The following FGF18 variants were observed in gnomAD, a reference collection of about 807,000 sequenced individuals.
The protein encoded by FGF18 is fibroblast growth factor 18.
A neutral mutation model predicts 23.0 loss-of-function variants in FGF18; 5 were observed. The ratio of observed to expected loss-of-function variants is 0.22; its 90% CI spans 0.11 to 0.46. FGF18 has a LOEUF of 0.46. Among genes scored for constraint, FGF18 ranks in the 20% least tolerant of loss-of-function variants. The pLI is 0.99. For missense variants in FGF18, 180 were observed against 291.6 expected (o/e 0.62, Z 2.79); for synonymous variants, 117 against 118.9 (o/e 0.98, Z 0.10).
chr5:171,423,604 T>C (rs1482366530), intron 2 of FGF18, among the ~76,000 whole-genome samples: 1 of 151,912 alleles, frequency 6.6e-6, no homozygotes, highest in African/African-American at 2.4e-5. Flanking sequence ...CCACAAGAAG[T>C]GTTCAAGTTT....
intron 2 of FGF18, 57 bp downstream of exon 2, chr5:171,420,500 C>A (rs1771987680): frequency 2.6e-6 from 4 of 1,520,614 alleles, no homozygotes; most frequent in Non-Finnish European, 3.6e-6. Context: ...TACACGCCGA[C>A]CCCCCTTCCC....
intron 3 of FGF18, among the ~76,000 whole-genome samples, chr5:171,439,299 G>A: frequency 6.6e-6 from 1 of 152,180 alleles, no homozygotes; most frequent in East Asian, 1.9e-4. Flanking sequence ...TCCCAGTACT[G>A]AAAAGCTTTA....
In FGF18 at chr5:171,451,258, TCCACGCCCGA is replaced by T. The variant is rs921802914; in HGVS notation, c.357+2008_357+2017del. Among the ~76,000 whole-genome samples the T allele has an allele frequency of 7.4e-5, 11 of 149,004 alleles. No individual in the cohort carries two copies. Among genetic ancestry groups the T allele is most frequent in the African/African-American group, 2.5e-4 (10 of 40,780 alleles). On this transcript the variant is annotated intron_variant, in intron 4 of 4. Coordinates refer to ENST00000274625, the MANE Select transcript of FGF18 (RefSeq NM_003862.3). This position sits in a 1 kb window ranked among gnomAD's most constrained non-coding sequence, Gnocchi z 4.5. ...CGCCTCCCCCGCTCCCGCCCAGGCC[TCCACGCCCGA>T]CCCCAACCCTTGCCAGCCTCCTGTC...
chr5:171,420,140 C>T lies in FGF18; in HGVS notation c.-60C>T. ...CGGCGGCGGAGGCGCCCGGTCCCGG[C>T]CGCGCGGAGCGGACATGTGCAGGCT... On this transcript the variant is annotated 5_prime_UTR_variant, in exon 1 of 5. Transcript: ENST00000274625. The T allele has an allele frequency of 4.4e-6, 6 of 1,354,928 alleles. No individual in the cohort carries two copies. Among genetic ancestry groups the T allele is most frequent in the Non-Finnish European group, 5.7e-6 (6 of 1,056,868 alleles). The allele number at this position is 1,354,928 out of a possible 1,614,324, so 83.9% of individuals were successfully genotyped here. A position where few individuals can be genotyped will look rare whatever the true frequency, so the allele number is the denominator to read the frequency against.
intron 2 of FGF18, among the ~76,000 whole-genome samples, chr5:171,424,085 TCATC>T (rs1245462091): frequency 6.6e-6 from 1 of 152,134 alleles, no homozygotes; most frequent in African/African-American, 2.4e-5. Context: ...TAAAGCAACA[TCATC>T]CATCCATCCA....
chr5:171,434,264 T>C lies in FGF18; in HGVS notation c.70-1829T>C, dbSNP rs1173246995. Among the ~76,000 whole-genome samples the C allele has an allele frequency of 6.6e-6, 1 of 152,208 alleles. No individual in the cohort carries two copies. Among genetic ancestry groups the C allele is most frequent in the East Asian group, 1.9e-4 (1 of 5,196 alleles). On this transcript the variant is annotated intron_variant, in intron 2 of 4. Transcript: ENST00000274625. This position sits in a 1 kb window ranked among gnomAD's most constrained non-coding sequence, Gnocchi z 4.6. ...GAGCTGACAGTTTCCTCATCCATAA[T>C]GTGGGATGATGCTTCCACCCTGAGG...
rs1298912488 is a variant in FGF18 at position 171,447,437 on chromosome 5, A to AC, written c.251-1708dup. ...CAAGGAGGATCAAGGGCTTGTGCCC[A>AC]CCGCCATCTCAGCGTTGGTTAATAT... On this transcript the variant is annotated intron_variant, in intron 3 of 4. Coordinates refer to ENST00000274625, the MANE Select transcript of FGF18 (RefSeq NM_003862.3). 2.0e-5 allele frequency among the ~76,000 whole-genome samples: 3 copies of AC among 152,236 alleles called. No individual in the cohort carries two copies. The East Asian group carries it at 5.8e-4, about 29-fold the overall frequency.
At position 171,422,451 on chromosome 5, in the gene FGF18, G is replaced by T. The variant is rs534216589; in HGVS notation, c.69+2008G>T. On this transcript the variant is annotated intron_variant, in intron 2 of 4. Coordinates refer to ENST00000274625, the MANE Select transcript of FGF18 (RefSeq NM_003862.3). ...AGTGTCAAAGGATGGGATTGTGGGA[G>T]GGGGAGGTCCCTGAAACACTGCACA... Among the ~76,000 whole-genome samples the T allele has an allele frequency of 3.7e-4, 57 of 152,296 alleles. 1 individual carries two copies. Among genetic ancestry groups the T allele is most frequent in the African/African-American group, 1.3e-3 (56 of 41,566 alleles).
intron 3 of FGF18, among the ~76,000 whole-genome samples, chr5:171,443,718 G>A (rs1487746170): frequency 6.6e-6 from 1 of 151,446 alleles, no homozygotes; most frequent in African/African-American, 2.4e-5. Flanking sequence ...TGAGTTTTTT[G>A]TAGAAAGAGT....
chr5:171,423,181 C>T (rs1211918621), intron 2 of FGF18, among the ~76,000 whole-genome samples: 1 of 152,192 alleles, frequency 6.6e-6, no homozygotes, highest in Non-Finnish European at 1.5e-5. Context: ...GTCCTGCCCA[C>T]CCCCAAAGTG....
intron 3 of FGF18, among the ~76,000 whole-genome samples, chr5:171,441,705 G>T (rs1221163839): frequency 6.6e-6 from 1 of 152,132 alleles, no homozygotes; most frequent in East Asian, 1.9e-4. Flanking sequence ...TGTCTGTTTT[G>T]CTCACTGTTG....
intron 2 of FGF18, among the ~76,000 whole-genome samples, chr5:171,428,020 C>A (rs1772122450): frequency 6.6e-6 from 1 of 152,186 alleles, no homozygotes; most frequent in Non-Finnish European, 1.5e-5. Context: ...AGGGTGAGTT[C>A]CCCCTGCCCG....
intron 2 of FGF18, among the ~76,000 whole-genome samples, chr5:171,427,800 C>T (rs1030083718): frequency 6.6e-6 from 1 of 152,172 alleles, no homozygotes; most frequent in Non-Finnish European, 1.5e-5. Context: ...GCTCTGTTTC[C>T]CCCGATCCCC....
intron 2 of FGF18, 31 bp downstream of exon 2, chr5:171,420,474 C>T: frequency 6.2e-6 from 10 of 1,608,364 alleles, no homozygotes; most frequent in Non-Finnish European, 8.5e-6. Flanking sequence ...GACCTCCTCC[C>T]GCCCCTGCCT....
At chr5:171,450,473 AC>A (rs766919361) in intron 4 of FGF18, among the ~76,000 whole-genome samples, 136 of 152,228 alleles carry the variant, frequency 8.9e-4, no homozygotes, top group Non-Finnish European at 1.6e-3. Flanking sequence ...TCCCCATTCC[AC>A]AGATGAGGAA....
chr5:171,441,081 AG>A (rs1255546605), intron 3 of FGF18, among the ~76,000 whole-genome samples: 1 of 152,196 alleles, frequency 6.6e-6, no homozygotes, highest in Non-Finnish European at 1.5e-5. Context: ...TGGCTCACAC[AG>A]GGAGGAAGGT....
intron 3 of FGF18, among the ~76,000 whole-genome samples, chr5:171,447,723 T>A (rs764173551): frequency 3.3e-5 from 5 of 152,200 alleles, no homozygotes; most frequent in African/African-American, 4.8e-5. Flanking sequence ...AATTTTTTTA[T>A]TAAAATCATA....
intron 2 of FGF18, among the ~76,000 whole-genome samples, chr5:171,422,345 TC>T (rs1772023226): frequency 6.6e-6 from 1 of 151,876 alleles, no homozygotes; most frequent in African/African-American, 2.4e-5. Context: ...ACCTCCACCT[TC>T]CCCCTTGTCC....
chr5:171,428,434 C>T (rs1177318381), intron 2 of FGF18, among the ~76,000 whole-genome samples: 1 of 152,186 alleles, frequency 6.6e-6, no homozygotes, highest in Non-Finnish European at 1.5e-5. Context: ...AGGCCTTGAA[C>T]CAGACTCTGG....
Sources: gnomAD v4.1 joint callset for allele counts (sites outside exome capture counted in the v4.1 genomes callset) on GRCh38, gnomAD v4.1.1 for gene constraint, Gnocchi (gnomAD v3.1) non-coding constraint, MANE v1.5 for transcripts, NCBI Gene and HGNC (gene_info 2026-07-23, HGNC 2026-07-21) for gene names.